Variants in PLCG2 observed in about 807,000 individuals in gnomAD.
PLCG2 encodes 1-phosphatidylinositol 4,5-bisphosphate phosphodiesterase gamma-2.
Under a neutral mutation model 175.6 loss-of-function variants are expected in PLCG2, and 69 were observed. That is an observed-to-expected ratio of 0.39 (90% CI 0.32 to 0.48). The LOEUF (loss-of-function observed/expected upper bound fraction) is 0.48. Ranked by LOEUF, PLCG2 falls within the 20% of genes least tolerant of loss-of-function variation. The pLI is 0.91. For synonymous variants in PLCG2, 827 were observed against 624.0 expected (o/e 1.33, Z -4.85); for missense variants, 1,798 against 1,650.9 (o/e 1.09, Z -1.54).
At chr16:81,813,271 AT>A (rs1375315220) in intron 2 of PLCG2, among the ~76,000 whole-genome samples, 1 of 152,308 alleles carries the variant, frequency 6.6e-6, no homozygotes, top group Admixed American at 6.5e-5. Context: ...CAGTATGGCC[AT>A]TTTCACCATA....
rs141471585 is a variant in PLCG2 at position 81,852,323 on chromosome 16, G to A, written c.194-2121G>A. ...TCCCCGAACCAGTCACTGAGCCAGG[G>A]CACTTGGGTCATTCCCTGGCCCCTG... On this transcript the variant is annotated intron_variant, in intron 2 of 32. Transcript: ENST00000564138. Among the ~76,000 whole-genome samples the A allele has an allele frequency of 1.8e-3, 268 of 152,292 alleles. 2 individuals are homozygous for A. Among genetic ancestry groups the A allele is most frequent in the African/African-American group, 6.4e-3 (265 of 41,556 alleles).
At chr16:81,903,951 T>G (rs4627340) in intron 14 of PLCG2, among the ~76,000 whole-genome samples, 138,180 of 152,000 alleles carry the variant, frequency 0.91, 62,896 homozygotes, top group East Asian at 0.97. Flanking sequence ...ACCATGCACT[T>G]GGCTAGGCGT....
At chr16:81,864,726 C>T (rs1054058152) in intron 5 of PLCG2, among the ~76,000 whole-genome samples, 9 of 152,246 alleles carry the variant, frequency 5.9e-5, no homozygotes, top group Admixed American at 1.3e-4. Context: ...GTGGAGGTGC[C>T]GGCCCAGCCT....
chr16:81,756,060 A>AAGG (rs1909918666), intron 2 of PLCG2: 1 of 154,132 alleles, frequency 6.5e-6, no homozygotes, highest in Non-Finnish European at 1.5e-5. Context: ...GAGAACAGGA[A>AAGG]AGGCACCAGT....
intron 2 of PLCG2, among the ~76,000 whole-genome samples, chr16:81,771,837 G>T (rs1357703732): frequency 6.6e-6 from 1 of 152,156 alleles, no homozygotes; most frequent in Non-Finnish European, 1.5e-5. Flanking sequence ...AAGCTGGAGT[G>T]CCAGGGCAGG....
intron 7 of PLCG2, among the ~76,000 whole-genome samples, chr16:81,872,992 GGGA>G (rs2143539379): frequency 6.6e-6 from 1 of 152,332 alleles, no homozygotes; most frequent in South Asian, 2.1e-4. Flanking sequence ...TTAGAGAAAT[GGGA>G]GGGCCATTTC....
In PLCG2 at chr16:81,858,256, A is replaced by G. The variant is rs776485500; in HGVS notation, c.338-7A>G. On this transcript the variant is annotated splice_polypyrimidine_tract_variant and splice_region_variant and intron_variant, in intron 3 of 32. Coordinates refer to ENST00000564138, the MANE Select transcript of PLCG2 (RefSeq NM_002661.5). ...CACAGCATTTCTGTTCCCTTTCTCCACTCCAGCTGACTCTAAAGAGGATGC... is the reference window on the plus strand; with the variant it reads ...CACAGCATTTCTGTTCCCTTTCTCCGCTCCAGCTGACTCTAAAGAGGATGC... 6 of 1,600,394 alleles carry G rather than the reference A, an allele frequency of 3.7e-6. No homozygotes were observed. In the South Asian group the frequency reaches 6.6e-5, roughly 18 times the overall value.
At chr16:81,750,720 T>G (rs1909794199) in intron 1 of PLCG2, among the ~76,000 whole-genome samples, 1 of 120,140 alleles carries the variant, frequency 8.3e-6, no homozygotes, top group South Asian at 3.2e-4. Flanking sequence ...CAGGCTGGAG[T>G]GCAGTGGCGC....
intron 1 of PLCG2, among the ~76,000 whole-genome samples, chr16:81,755,204 A>G (rs1909896549): frequency 6.6e-6 from 1 of 151,672 alleles, no homozygotes. Flanking sequence ...TTATTTATAT[A>G]TATATTTTTT....
At chr16:81,891,613 A>C in intron 11 of PLCG2, 23 bp downstream of exon 11, 2 of 1,353,234 alleles carry the variant, frequency 1.5e-6, no homozygotes, top group Non-Finnish European at 2.1e-6. Context: ...TGAGCCTGTG[A>C]TGGGTTGGGC....
chr16:81,802,749 T>C (rs1911790243), intron 2 of PLCG2, among the ~76,000 whole-genome samples: 1 of 152,056 alleles, frequency 6.6e-6, no homozygotes, highest in Non-Finnish European at 1.5e-5. Flanking sequence ...TTTTGTATTT[T>C]TAGTAGGGAC....
chr16:81,895,943 T>G lies in PLCG2; in HGVS notation c.1193+16T>G. On this transcript the variant is annotated intron_variant, in intron 13 of 32. Transcript: ENST00000564138. ...TTACCTCGAGGTCAGTTGGCTGATT[T>G]CTGGGTGGTGTGACTTAAAGGGGAA... 1 of 1,614,014 alleles carries G rather than the reference T, an allele frequency of 6.2e-7. No individual in the cohort carries two copies. Among genetic ancestry groups the G allele is most frequent in the Non-Finnish European group, 8.5e-7 (1 of 1,179,966 alleles).
At chr16:81,870,967 A>T (rs779179469) in intron 7 of PLCG2, 32 bp downstream of exon 7, 2 of 1,205,408 alleles carry the variant, frequency 1.7e-6, no homozygotes, top group Non-Finnish European at 2.4e-6. Flanking sequence ...TGATCAAGTG[A>T]TGTTTCTGTT....
intron 30 of PLCG2, among the ~76,000 whole-genome samples, chr16:81,941,861 G>A (rs2143742457): frequency 6.6e-6 from 1 of 152,158 alleles, no homozygotes; most frequent in Non-Finnish European, 1.5e-5. Flanking sequence ...AGTAGAGACG[G>A]GGTTTTGCCA....
chr16:81,879,563 C>T (rs924310612), intron 7 of PLCG2, among the ~76,000 whole-genome samples: 1 of 152,156 alleles, frequency 6.6e-6, no homozygotes, highest in Non-Finnish European at 1.5e-5. Flanking sequence ...CTGATAGTCC[C>T]CATGACGTCC....
upstream of PLCG2, among the ~76,000 whole-genome samples, chr16:81,779,103 G>A (rs1004544659): frequency 6.6e-6 from 1 of 152,210 alleles, no homozygotes; most frequent in African/African-American, 2.4e-5. Context: ...TTCTTCTTTG[G>A]CACGCAGAGG....
At chr16:81,933,302 C>G (rs958332047) in intron 25 of PLCG2, among the ~76,000 whole-genome samples, 4 of 152,190 alleles carry the variant, frequency 2.6e-5, no homozygotes, top group Non-Finnish European at 5.9e-5. Flanking sequence ...TTTTGCGGAG[C>G]TGGTGTTGGG....
chr16:81,799,775 A>G (rs1387558393), intron 2 of PLCG2, among the ~76,000 whole-genome samples: 1 of 149,804 alleles, frequency 6.7e-6, no homozygotes, highest in Non-Finnish European at 1.5e-5. Context: ...TTGTATTTTT[A>G]GTGGAGATGG....
chr16:81,787,127 A>G (rs35319567), intron 2 of PLCG2, among the ~76,000 whole-genome samples: 12,425 of 152,326 alleles, frequency 0.082, 594 homozygotes, highest in Middle Eastern at 0.13. Flanking sequence ...ACAGGCCTCA[A>G]TGTAACAGTT....
Sources: allele counts gnomAD v4.1 joint callset (sites outside exome capture counted in the v4.1 genomes callset), GRCh38; gene constraint gnomAD v4.1.1; transcripts MANE v1.5; gene names NCBI Gene and HGNC (gene_info 2026-07-23, HGNC 2026-07-21).